Variants in KCNIP4 observed in about 807,000 individuals in gnomAD.
KCNIP4 encodes the protein potassium voltage-gated channel interacting protein 4.
In KCNIP4, 12 loss-of-function variants were observed where a neutral mutation model predicts 34.0. That is an observed-to-expected ratio of 0.35 (90% CI 0.23 to 0.57). KCNIP4 has a LOEUF of 0.57. KCNIP4 is among the 20% of genes least tolerant of loss of function. The probability of loss-of-function intolerance (pLI) is 0.83; values close to 1 mark genes in which losing one functional copy is unlikely to be tolerated. For missense variants in KCNIP4, 238 were observed against 311.7 expected (o/e 0.76, Z 1.78); for synonymous variants, 124 against 102.2 (o/e 1.21, Z -1.29).
intron 1 of KCNIP4, among the ~76,000 whole-genome samples, chr4:21,339,845 A>T (rs2109344158): frequency 6.6e-6 from 1 of 152,338 alleles, no homozygotes; most frequent in Non-Finnish European, 1.5e-5. Context: ...AATTTGAATT[A>T]CATAACTGGT....
intron 1 of KCNIP4, among the ~76,000 whole-genome samples, chr4:21,028,853 C>T (rs1277310682): frequency 6.6e-6 from 1 of 152,122 alleles, no homozygotes; most frequent in South Asian, 2.1e-4. Context: ...ATGATGGATG[C>T]AAGATCATTC....
intron 1 of KCNIP4, among the ~76,000 whole-genome samples, chr4:21,642,991 C>A (rs925159873): frequency 2.6e-5 from 4 of 152,096 alleles, no homozygotes; most frequent in Non-Finnish European, 4.4e-5. Context: ...GGTAAGGTGA[C>A]CCTTACCAGA....
chr4:21,411,239 G>C (rs1285519826), intron 1 of KCNIP4, among the ~76,000 whole-genome samples: 1 of 152,138 alleles, frequency 6.6e-6, no homozygotes, highest in East Asian at 1.9e-4. Flanking sequence ...ACTGAACTTT[G>C]ATGTAATTGT....
intron 1 of KCNIP4, among the ~76,000 whole-genome samples, chr4:21,123,319 TG>T (rs1261087188): frequency 6.6e-6 from 1 of 152,220 alleles, no homozygotes; most frequent in African/African-American, 2.4e-5. Context: ...TCTAGGAACC[TG>T]GGAAACATTT....
intron 1 of KCNIP4, among the ~76,000 whole-genome samples, chr4:21,909,220 C>A (rs1728164497): frequency 6.6e-6 from 1 of 152,076 alleles, no homozygotes; most frequent in Non-Finnish European, 1.5e-5. Context: ...CCTTTCTAAA[C>A]CCTCTAAGGG....
intron 1 of KCNIP4, among the ~76,000 whole-genome samples, chr4:21,185,959 G>A (rs1052558929): frequency 6.6e-6 from 1 of 152,166 alleles, no homozygotes; most frequent in Non-Finnish European, 1.5e-5. Flanking sequence ...TCAATGCTGA[G>A]TACATCTTGC....
chr4:21,177,943 A>G (rs1469827233), intron 1 of KCNIP4, among the ~76,000 whole-genome samples: 1 of 151,676 alleles, frequency 6.6e-6, no homozygotes, highest in Non-Finnish European at 1.5e-5. Flanking sequence ...CATGTTTTAC[A>G]GGTTATTATA....
At chr4:21,619,969 T>C (rs553603678) in intron 1 of KCNIP4, among the ~76,000 whole-genome samples, 5 of 152,326 alleles carry the variant, frequency 3.3e-5, no homozygotes, top group Non-Finnish European at 5.9e-5. Context: ...AAAATGGGTA[T>C]AGCAATAGTT....
chr4:21,878,323 G>T (rs1726260682), intron 1 of KCNIP4, among the ~76,000 whole-genome samples: 1 of 152,132 alleles, frequency 6.6e-6, no homozygotes, highest in African/African-American at 2.4e-5. Context: ...CGATCCACCT[G>T]CCTCGACCTC....
chr4:21,373,632 C>A lies in KCNIP4; in HGVS notation c.62-490923G>T, dbSNP rs1296242865. On this transcript the variant is annotated intron_variant, in intron 1 of 8. Coordinates refer to ENST00000382152, the MANE Select transcript of KCNIP4 (RefSeq NM_025221.6). ...AAAGGTTCATGGCCAGGTTCTGGCCCAGTGTAATGATCAACAAGTCATATA... is the reference window on the plus strand; with the variant it reads ...AAAGGTTCATGGCCAGGTTCTGGCCAAGTGTAATGATCAACAAGTCATATA... Among the ~76,000 whole-genome samples, 5 of 147,356 alleles carry A rather than the reference C, an allele frequency of 3.4e-5. No homozygotes were observed. In the East Asian group the frequency reaches 7.9e-4, roughly 23 times the overall value.
chr4:21,429,990 TAAAAGA>T lies in KCNIP4; in HGVS notation c.61+518575_61+518580del, dbSNP rs1332619157. ...ACTGTGAAGATAAAGCAATTTCCCT[TAAAAGA>T]AAATTATAAAATCATCATTTTTGAC... On this transcript the variant is annotated intron_variant, in intron 1 of 8. Transcript: ENST00000382152. 3.9e-5 allele frequency among the ~76,000 whole-genome samples: 6 copies of T among 152,240 alleles called. 1 individual carries two copies. Among genetic ancestry groups the T allele is most frequent in the Admixed American group, 3.9e-4 (6 of 15,276 alleles).
chr4:21,836,775 C>G (rs1723348543), intron 1 of KCNIP4, among the ~76,000 whole-genome samples: 1 of 151,924 alleles, frequency 6.6e-6, no homozygotes, highest in South Asian at 2.1e-4. Flanking sequence ...GTTCCAGGGC[C>G]CTGAAACCAG....
At chr4:21,785,139 T>G (rs919983625) in intron 1 of KCNIP4, among the ~76,000 whole-genome samples, 1 of 152,188 alleles carries the variant, frequency 6.6e-6, no homozygotes, top group Non-Finnish European at 1.5e-5. Flanking sequence ...CACTCAGACC[T>G]CATCCCCCGA....
intron 1 of KCNIP4, among the ~76,000 whole-genome samples, chr4:21,405,130 C>T (rs1275467107): frequency 1.3e-5 from 2 of 152,168 alleles, no homozygotes; most frequent in Non-Finnish European, 2.9e-5. Context: ...CAGCAAGACA[C>T]TTGTTAGGTT....
At chr4:21,621,802 G>A (rs1370703329) in intron 1 of KCNIP4, among the ~76,000 whole-genome samples, 1 of 152,156 alleles carries the variant, frequency 6.6e-6, no homozygotes, top group African/African-American at 2.4e-5. Flanking sequence ...AAAAGAAATT[G>A]ATATTTGATT....
intron 1 of KCNIP4, among the ~76,000 whole-genome samples, chr4:21,066,840 A>C (rs1744438129): frequency 6.6e-6 from 1 of 152,172 alleles, no homozygotes; most frequent in African/African-American, 2.4e-5. Flanking sequence ...ATCCCTGGGC[A>C]AGTCCTGGTC....
At chr4:21,025,164 A>G (rs1334243550) in intron 1 of KCNIP4, among the ~76,000 whole-genome samples, 2 of 152,154 alleles carry the variant, frequency 1.3e-5, no homozygotes, top group African/African-American at 2.4e-5. Flanking sequence ...GCATCATTTA[A>G]ACTGCCAACT....
intron 3 of KCNIP4, among the ~76,000 whole-genome samples, chr4:20,830,376 G>T (rs1453964979): frequency 6.6e-6 from 1 of 152,168 alleles, no homozygotes; most frequent in Non-Finnish European, 1.5e-5. Context: ...CTACCTAGCT[G>T]TCTGGGAAAA....
At chr4:21,144,375 C>G (rs1752198283) in intron 1 of KCNIP4, among the ~76,000 whole-genome samples, 1 of 152,130 alleles carries the variant, frequency 6.6e-6, no homozygotes, top group Non-Finnish European at 1.5e-5. Flanking sequence ...GAGATACATT[C>G]AGAGATTTCT....
Sources: allele counts gnomAD v4.1 joint callset (sites outside exome capture counted in the v4.1 genomes callset), GRCh38; gene constraint gnomAD v4.1.1; transcripts MANE v1.5; gene names NCBI Gene and HGNC (gene_info 2026-07-23, HGNC 2026-07-21).